Variants in BBOF1 observed in about 807,000 individuals in gnomAD.
BBOF1 encodes the protein basal body orientation factor 1, also known as basal body-orientation factor 1.
In BBOF1, 62 loss-of-function variants were observed where a neutral mutation model predicts 68.0. The ratio of observed to expected loss-of-function variants is 0.91; its 90% confidence interval spans 0.74 to 1.13. The LOEUF is 1.13. Ranked by LOEUF, BBOF1 falls within the 50% of genes most tolerant of loss-of-function variation. BBOF1 has a pLI of 0.00. For missense variants in BBOF1, 534 were observed against 600.1 expected (o/e 0.89, Z 1.15); for synonymous variants, 208 against 198.8 (o/e 1.05, Z -0.39).
At chr14:74,027,966 G>T (rs2059471962) in intron 2 of BBOF1, among the ~76,000 whole-genome samples, 1 of 152,126 alleles carries the variant, frequency 6.6e-6, no homozygotes, top group African/African-American at 2.4e-5. Context: ...AATTGTAGCA[G>T]AATTTAAATA....
chr14:74,065,487 C>A lies in BBOF1; in HGVS notation c.*788C>A. On this transcript the variant is annotated 3_prime_UTR_variant, in exon 12 of 12. Transcript: ENST00000394009. The stretch of plus-strand genomic sequence containing the variant: ...AACTTTCATATTACTAATCTCTTTT[C>A]ATTTCAAATCACCTATTTAAAAAAA... 1 of 871,236 alleles carries A rather than the reference C, an allele frequency of 1.1e-6. No homozygotes were observed. The allele number at this position is 871,236 out of a possible 1,614,324, so 54.0% of individuals were successfully genotyped here.
intron 11 of BBOF1, 41 bp from the exon 12 acceptor site, chr14:74,064,647 C>A: frequency 6.2e-7 from 1 of 1,607,970 alleles, no homozygotes; most frequent in South Asian, 1.1e-5. Context: ...CAGGAAGAAG[C>A]AGCTTTGGCA....
intron 9 of BBOF1, chr14:74,075,085 C>CATA: frequency 7.1e-7 from 1 of 1,407,308 alleles, no homozygotes; most frequent in Non-Finnish European, 1.0e-6. Context: ...TAGCAAATAG[C>CATA]TACTATATGC....
In BBOF1 at chr14:74,072,695, C is replaced by A. The variant is rs970802292; in HGVS notation, n.1380-5501C>A. On this transcript the variant is annotated intron_variant and non_coding_transcript_variant, in intron 9 of 12. Coordinates refer to the BBOF1 transcript ENST00000492026. Reference sequence around the variant, plus strand: ...TTGCTTTGCTTTTCCCTTTCCCTTGCACCAAAAGGAAAGAAAACAAGTTGA... The same window carrying A: ...TTGCTTTGCTTTTCCCTTTCCCTTGAACCAAAAGGAAAGAAAACAAGTTGA... The A allele has an allele frequency of 1.0e-5, 15 of 1,465,548 alleles. No homozygotes were observed. In the African/African-American group the frequency reaches 2.1e-4, roughly 20 times the overall value. The allele number at this position is 1,465,548 out of a possible 1,614,324, so 90.8% of individuals were successfully genotyped here. A position where few individuals can be genotyped will look rare whatever the true frequency, so the allele number is the denominator to read the frequency against.
chr14:74,062,329 C>T (rs543611347), intron 11 of BBOF1, among the ~76,000 whole-genome samples: 8 of 152,118 alleles, frequency 5.3e-5, no homozygotes, highest in East Asian at 1.9e-4. Context: ...AGGCCGGGTG[C>T]GGTGACTCAC....
chr14:74,027,006 T>A lies in BBOF1; in HGVS notation c.286-2178T>A, dbSNP rs534697443. 2.0e-5 allele frequency among the ~76,000 whole-genome samples: 3 copies of A among 150,802 alleles called. No individual in the cohort carries two copies. In the South Asian group the frequency reaches 6.3e-4, roughly 32 times the overall value. On this transcript the variant is annotated intron_variant, in intron 2 of 11. Transcript: ENST00000394009. ...ATAACAACAGTAATAGATTATAACCTATTGAATGAAATAAAAATCCACGAG... is the reference window on the plus strand; with the variant it reads ...ATAACAACAGTAATAGATTATAACCAATTGAATGAAATAAAAATCCACGAG...
chr14:74,035,882 T>C (rs753214043), intron 4 of BBOF1, among the ~76,000 whole-genome samples: 19 of 152,100 alleles, frequency 1.2e-4, no homozygotes, highest in Non-Finnish European at 1.9e-4. Flanking sequence ...CCACCATATT[T>C]TATTATTAAT....
At chr14:74,022,274 G>A (rs889617714) in intron 1 of BBOF1, among the ~76,000 whole-genome samples, 7 of 152,136 alleles carry the variant, frequency 4.6e-5, no homozygotes, top group South Asian at 2.1e-4. Flanking sequence ...CTGCCCAAGC[G>A]CAGTGGCTCA....
downstream of BBOF1, among the ~76,000 whole-genome samples, chr14:74,068,353 T>C (rs907305730): frequency 6.0e-5 from 9 of 151,096 alleles, no homozygotes; most frequent in Non-Finnish European, 1.0e-4. Context: ...CACTCTAGCC[T>C]GGGTGACAGA....
Position 74,038,964 on chromosome 14 carries a change from A to T in BBOF1, c.496-1601A>T, listed in dbSNP as rs192648517. ...CATATACCCGATTAACCAAAGAAGC[A>T]TATATTGCATATATTGTTAGATTGC... On this transcript the variant is annotated intron_variant, in intron 4 of 11. Coordinates refer to ENST00000394009, the MANE Select transcript of BBOF1 (RefSeq NM_025057.3). Among the ~76,000 whole-genome samples the T allele has an allele frequency of 3.3e-5, 5 of 152,336 alleles. No homozygotes were observed. In the East Asian group the frequency reaches 5.8e-4, roughly 18 times the overall value.
intron 5 of BBOF1, among the ~76,000 whole-genome samples, chr14:74,041,004 G>A (rs17095471): frequency 0.013 from 1,922 of 152,202 alleles, 33 homozygotes; most frequent in African/African-American, 0.043. Context: ...TAGTCAAGCC[G>A]AGCTAAAGAT....
At chr14:74,039,465 G>A (rs1055079163) in intron 4 of BBOF1, among the ~76,000 whole-genome samples, 2 of 152,008 alleles carry the variant, frequency 1.3e-5, no homozygotes, top group Non-Finnish European at 2.9e-5. Context: ...TTTCACTTTT[G>A]TTGCCCAGGT....
chr14:74,078,646 G>A (rs956268942), intron 10 of BBOF1, among the ~76,000 whole-genome samples: 5 of 152,156 alleles, frequency 3.3e-5, no homozygotes, highest in African/African-American at 1.2e-4. Flanking sequence ...TCCTGCCTCA[G>A]CTTTCTGAGT....
intron 9 of BBOF1, among the ~76,000 whole-genome samples, chr14:74,074,288 A>T (rs1482873157): frequency 1.8e-4 from 23 of 130,196 alleles, no homozygotes; most frequent in African/African-American, 4.3e-4. Flanking sequence ...CTTTCACTAA[A>T]TTTTTTTTTT....
In BBOF1 at chr14:74,044,091, C is replaced by T. The variant is rs973708137; in HGVS notation, c.577-1969C>T. ...TGAAACCCTGTCTGTACTAAAAATA[C>T]AAAAATTAGCTGGGCATGGTGGTGC... On this transcript the variant is annotated intron_variant, in intron 5 of 11. Coordinates refer to ENST00000394009, the MANE Select transcript of BBOF1 (RefSeq NM_025057.3). Among the ~76,000 whole-genome samples the T allele has an allele frequency of 2.6e-5, 4 of 151,690 alleles. No individual in the cohort carries two copies. The East Asian group carries it at 7.9e-4, about 30-fold the overall frequency.
At chr14:74,069,327 C>G (rs2060517592), downstream of BBOF1, 2 of 329,042 alleles carry the variant, frequency 6.1e-6, no homozygotes, top group East Asian at 1.7e-4. Context: ...TGGTCTTGAA[C>G]TCCTGACCTC....
intron 9 of BBOF1, chr14:74,078,102 C>T: frequency 4.7e-6 from 2 of 429,480 alleles, no homozygotes; most frequent in East Asian, 1.4e-4. Flanking sequence ...TGTTTATTTT[C>T]ACTCTTTGCT....
rs2060253628 is a variant in BBOF1, at chr14:74,057,881, C to G, written c.1578+623C>G. On this transcript the variant is annotated intron_variant, in intron 11 of 11. Transcript: ENST00000394009. ...GATGAGTTGTTTCTAATTAGAGCAT[C>G]ACAGTTCTGATTAGTGTGTTTTTTT... The G allele has an allele frequency of 5.9e-6, 6 of 1,023,392 alleles. No individual in the cohort carries two copies. The South Asian group carries it at 1.5e-4, about 25-fold the overall frequency. 63.4% of individuals were successfully genotyped at this position (1,023,392 alleles called of 1,614,324 possible). A position where few individuals can be genotyped will look rare whatever the true frequency, so the allele number is the denominator to read the frequency against.
intron 3 of BBOF1, among the ~76,000 whole-genome samples, chr14:74,031,377 T>C (rs1405652163): frequency 2.0e-5 from 3 of 152,080 alleles, no homozygotes; most frequent in African/African-American, 7.2e-5. Flanking sequence ...CCTCCCAAAG[T>C]GTTGGAATTA....
Sources: gnomAD v4.1 joint callset for allele counts (sites outside exome capture counted in the v4.1 genomes callset) on GRCh38, gnomAD v4.1.1 for gene constraint, MANE v1.5 for transcripts, NCBI Gene and HGNC (gene_info 2026-07-23, HGNC 2026-07-21) for gene names.